Variants in RCL1 observed in about 807,000 individuals in gnomAD.
RCL1 encodes the protein RNA 3'-terminal phosphate cyclase-like protein.
RCL1 carries 24 observed loss-of-function variants against 42.4 expected under a neutral mutation model. The observed-to-expected ratio is 0.57, with a 90% CI of 0.41 to 0.80. RCL1 has a LOEUF of 0.80. Ranked by LOEUF, RCL1 falls within the 30% of genes least tolerant of loss-of-function variation. RCL1 has a pLI of 0.00. For missense variants in RCL1, 578 were observed against 467.9 expected (o/e 1.24, Z -2.17); for synonymous variants, 228 against 177.3 (o/e 1.29, Z -2.27).
chr9:4,820,985 AT>A (rs1390369436), intron 1 of RCL1, among the ~76,000 whole-genome samples: 1 of 152,060 alleles, frequency 6.6e-6, no homozygotes, highest in Non-Finnish European at 1.5e-5. Flanking sequence ...TTTAATGTTG[AT>A]TAGAGATCCA....
intron 5 of RCL1, among the ~76,000 whole-genome samples, chr9:4,835,672 T>G (rs1817099994): frequency 6.6e-6 from 1 of 152,236 alleles, no homozygotes; most frequent in South Asian, 2.1e-4. Context: ...AATGAGCTGA[T>G]TAAAAGCCCA....
At position 4,833,800 on chromosome 9, in the gene RCL1, A is replaced by G. The variant is rs141456616; in HGVS notation, c.460-341A>G. On this transcript the variant is annotated intron_variant, in intron 4 of 8. Coordinates refer to ENST00000381750, the MANE Select transcript of RCL1 (RefSeq NM_005772.5). ...ATGTTTTGGTAGATCCGTTATTTGC[A>G]TGGGAGGAGAAAAAGGGGTTTCTGA... is the stretch of plus-strand genomic sequence containing the variant. Among the ~76,000 whole-genome samples, 361 of 152,302 alleles carry G rather than the reference A, an allele frequency of 2.4e-3. 2 individuals carry two copies. The highest frequency in any genetic ancestry group is 8.0e-3 in the African/African-American group (333 of 41,568).
At chr9:4,795,993 C>G (rs767580145) in intron 1 of RCL1, among the ~76,000 whole-genome samples, 8 of 152,214 alleles carry the variant, frequency 5.3e-5, no homozygotes, top group Non-Finnish European at 7.4e-5. Context: ...CTGAAAGTTA[C>G]GAAGGAAGGC....
At chr9:4,805,843 T>C (rs976826113) in intron 1 of RCL1, among the ~76,000 whole-genome samples, 3 of 152,210 alleles carry the variant, frequency 2.0e-5, no homozygotes, top group African/African-American at 7.2e-5. Flanking sequence ...TCTGGGGAAC[T>C]CAGAGTCTTT....
chr9:4,835,655 G>A (rs1228371336), intron 5 of RCL1, among the ~76,000 whole-genome samples: 1 of 152,232 alleles, frequency 6.6e-6, no homozygotes, highest in Non-Finnish European at 1.5e-5. Context: ...TGTAGATGAA[G>A]CAAAGTAATG....
At chr9:4,828,940 G>A (rs764074379) in intron 3 of RCL1, among the ~76,000 whole-genome samples, 8 of 152,158 alleles carry the variant, frequency 5.3e-5, no homozygotes, top group Non-Finnish European at 1.2e-4. Flanking sequence ...ACTTAATCCT[G>A]AATAAAGAGT....
At chr9:4,803,078 C>G (rs1034280600) in intron 1 of RCL1, among the ~76,000 whole-genome samples, 3 of 151,576 alleles carry the variant, frequency 2.0e-5, no homozygotes, top group Admixed American at 6.6e-5. Flanking sequence ...AACTCCTGGG[C>G]TCAAGCAGTC....
intron 8 of RCL1, chr9:4,850,431 A>G (rs10974810): frequency 0.34 from 137,004 of 398,906 alleles, 25,278 homozygotes; most frequent in South Asian, 0.46. Context: ...CCCTTGGGCC[A>G]TGGCGTTGGG....
At chr9:4,804,501 G>GGAACTTACAC (rs1451379295) in intron 1 of RCL1, 1 of 152,398 alleles carries the variant, frequency 6.6e-6, no homozygotes, top group Non-Finnish European at 1.5e-5. Flanking sequence ...CGGCTGCGGT[G>GGAACTTACAC]GAACTTACAC....
chr9:4,836,546 G>A (rs1273519700), intron 5 of RCL1, among the ~76,000 whole-genome samples: 2 of 152,088 alleles, frequency 1.3e-5, no homozygotes, highest in Non-Finnish European at 2.9e-5. Flanking sequence ...GGATCTGGGT[G>A]GGAGCAGGTG....
At chr9:4,825,610 G>T (rs1816735255) in intron 2 of RCL1, among the ~76,000 whole-genome samples, 1 of 152,182 alleles carries the variant, frequency 6.6e-6, no homozygotes, top group Non-Finnish European at 1.5e-5. Flanking sequence ...TTCCTCTAAT[G>T]TTAAATATAT....
intron 1 of RCL1, among the ~76,000 whole-genome samples, chr9:4,818,221 C>T (rs1224127469): frequency 6.6e-6 from 1 of 151,944 alleles, no homozygotes; most frequent in African/African-American, 2.4e-5. Flanking sequence ...GCGCCCGGCC[C>T]AGTTGCTAAG....
intron 1 of RCL1, 63 bp from the exon 2 acceptor site, chr9:4,823,485 A>G: frequency 6.2e-6 from 8 of 1,295,786 alleles, no homozygotes; most frequent in Non-Finnish European, 8.9e-6. Flanking sequence ...TGCTCTGGAA[A>G]TGTTGACCTG....
intron 1 of RCL1, chr9:4,804,779 C>A: frequency 5.5e-6 from 1 of 180,566 alleles, no homozygotes; most frequent in Non-Finnish European, 1.2e-5. Context: ...GCCGGAGCAG[C>A]GAATTGGAAG....
intron 3 of RCL1, among the ~76,000 whole-genome samples, chr9:4,828,490 A>T (rs1400003809): frequency 6.6e-6 from 1 of 152,124 alleles, no homozygotes; most frequent in Non-Finnish European, 1.5e-5. Context: ...ACAAGATCTG[A>T]AATTCTTAAG....
intron 8 of RCL1, chr9:4,850,239 G>T: frequency 2.0e-6 from 1 of 512,268 alleles, no homozygotes; most frequent in Non-Finnish European, 4.1e-6. Flanking sequence ...TCATCATATG[G>T]CCCATCTGAG....
In RCL1 at chr9:4,826,868, A is replaced by G. The variant is rs1225905749; in HGVS notation, c.219A>G (p.Leu73=). The part of the protein sequence containing the change: ...RIEINQTGTT[L]YYQPGLLYGG... ...TTCTTCTGGTTTAAGGAACAACCTT[A>G]TATTATCAGCCTGGCCTCCTGTATG... Residue 73 remains leucine (L), a synonymous_variant, in exon 3 of 9, where the codon TTA becomes TTG. Transcript: ENST00000381750. The G allele has an allele frequency of 1.2e-6, 2 of 1,612,634 alleles. No individual in the cohort carries two copies. Among genetic ancestry groups the G allele is most frequent in the Non-Finnish European group, 1.7e-6 (2 of 1,179,458 alleles).
intron 1 of RCL1, among the ~76,000 whole-genome samples, 176 bp from the exon 2 acceptor site, chr9:4,823,372 G>A (rs1459898437): frequency 6.7e-6 from 1 of 148,506 alleles, no homozygotes; most frequent in Non-Finnish European, 1.5e-5. Flanking sequence ...CTTTTCAACT[G>A]CGTCAGGTTC....
At chr9:4,825,378 A>C (rs1330196770) in intron 2 of RCL1, among the ~76,000 whole-genome samples, 1 of 152,170 alleles carries the variant, frequency 6.6e-6, no homozygotes, top group African/African-American at 2.4e-5. Flanking sequence ...TAGTGAATAT[A>C]TAGTCTTTTT....
Sources: allele counts gnomAD v4.1 joint callset (sites outside exome capture counted in the v4.1 genomes callset), GRCh38; gene constraint gnomAD v4.1.1; transcripts MANE v1.5; gene names NCBI Gene and HGNC (gene_info 2026-07-23, HGNC 2026-07-21).